Variants in SPNS3 observed in about 807,000 individuals in gnomAD.
SPNS3 encodes the protein SPNS lysolipid transporter 3, sphingosine-1-phosphate (putative).
A neutral mutation model predicts 54.4 loss-of-function variants in SPNS3; 51 were observed. The observed-to-expected ratio is 0.94, with a 90% confidence interval of 0.75 to 1.18. SPNS3 has a LOEUF of 1.18. Among genes scored for constraint, SPNS3 ranks in the 50% most tolerant of loss-of-function variants. The pLI is 0.00. For missense variants in SPNS3, 669 were observed against 677.4 expected (o/e 0.99, Z 0.14); for synonymous variants, 309 against 294.7 (o/e 1.05, Z -0.50).
At chr17:4,451,563 G>A (rs1258614363) in intron 7 of SPNS3, among the ~76,000 whole-genome samples, 3 of 152,236 alleles carry the variant, frequency 2.0e-5, no homozygotes, top group Non-Finnish European at 4.4e-5. Context: ...CTCAGAGGAC[G>A]ACAGGGAGCT....
At chr17:4,450,580 TTTTTA>T (rs918902101) in intron 7 of SPNS3, among the ~76,000 whole-genome samples, 1 of 150,692 alleles carries the variant, frequency 6.6e-6, no homozygotes, top group African/African-American at 2.5e-5. Flanking sequence ...TGCCTGGCTA[TTTTTA>T]TTTTATTTTA....
At chr17:4,451,915 G>A (rs1235966836) in intron 7 of SPNS3, among the ~76,000 whole-genome samples, 5 of 151,182 alleles carry the variant, frequency 3.3e-5, no homozygotes, top group Admixed American at 3.3e-4. Context: ...CTGACCTCAA[G>A]TGATCCACCC....
chr17:4,459,789 G>T (rs1011800882), intron 8 of SPNS3, among the ~76,000 whole-genome samples: 1 of 152,158 alleles, frequency 6.6e-6, no homozygotes. Flanking sequence ...TGTCCTGAGA[G>T]AACTTACATT....
intron 8 of SPNS3, among the ~76,000 whole-genome samples, chr17:4,464,813 G>A (rs934358509): frequency 5.3e-5 from 8 of 151,930 alleles, no homozygotes; most frequent in Admixed American, 1.3e-4. Flanking sequence ...CCTGAGTAGC[G>A]GGATTACAGG....
Position 4,445,166 on chromosome 17 carries a change from CG to C in SPNS3, c.402+1del. The C allele has an allele frequency of 6.2e-7, 1 of 1,611,986 alleles. No individual in the cohort carries two copies. Among genetic ancestry groups the C allele is most frequent in the Admixed American group, 1.7e-5 (1 of 59,846 alleles). ...CCTCTCTAGCTCCTTCATCTCCCCC[CG>C]GGTACGTGTCCATGCCCCTGTCCAG... ...AGLSSSFISP[R>X]YSWLFFLSRG... On this transcript the variant is annotated frameshift_variant and splice_region_variant, in exon 3 of 12. Coordinates refer to ENST00000355530, the MANE Select transcript of SPNS3 (RefSeq NM_182538.5). LOFTEE classifies it high-confidence loss of function.
At position 4,478,594 on chromosome 17, in the gene SPNS3, T is replaced by C; in HGVS notation, c.1136T>C (p.Leu379Pro). The C allele has an allele frequency of 6.3e-7, 1 of 1,585,444 alleles. No homozygotes were observed. The highest frequency in any genetic ancestry group is 8.6e-7 in the Non-Finnish European group (1 of 1,165,606). Residue 379 changes from leucine to proline, a missense_variant, in exon 9 of 12, where the codon CTG becomes CCG. Physicochemically the swap from Leu to Pro is moderately conservative, Grantham distance 98 (BLOSUM62 -3). Transcript: ENST00000355530. ...ASYVFLGLGE[L>P]LLSCNWAVVA... ...CAGGTGTTCCTGGGCCTTGGGGAGC[T>C]GCTTCTGTCCTGCAACTGGGCAGTG...
chr17:4,470,140 T>C (rs763253132), intron 8 of SPNS3, among the ~76,000 whole-genome samples: 5 of 152,062 alleles, frequency 3.3e-5, no homozygotes, highest in Non-Finnish European at 5.9e-5. Flanking sequence ...ATACAATTCA[T>C]GTATCAGGCC....
Position 4,465,499 on chromosome 17 carries a change from G to A in SPNS3, c.1113+12294G>A, listed in dbSNP as rs1355018101. ...TCCCAGCACTTTGGGAGGCCGAGGC[G>A]GGAGGATTACCTGAGATGAGGAGTT... On this transcript the variant is annotated intron_variant, in intron 8 of 11. Coordinates refer to ENST00000355530, the MANE Select transcript of SPNS3 (RefSeq NM_182538.5). 5.3e-5 allele frequency among the ~76,000 whole-genome samples: 8 copies of A among 152,116 alleles called. No homozygotes were observed. The South Asian group carries it at 1.2e-3, about 24-fold the overall frequency.
intron 8 of SPNS3, among the ~76,000 whole-genome samples, chr17:4,454,635 G>A (rs1252936274): frequency 5.1e-5 from 2 of 39,374 alleles, no homozygotes; most frequent in African/African-American, 1.1e-4. Context: ...TTTTTTTTTT[G>A]AGACAGAGTC....
chr17:4,448,973 C>T (rs1221613385), intron 6 of SPNS3, among the ~76,000 whole-genome samples: 4 of 151,866 alleles, frequency 2.6e-5, no homozygotes, highest in Admixed American at 2.0e-4. Context: ...GGGGGGGTCT[C>T]AGAAATGTTG....
At chr17:4,442,230 AG>A (rs1037977237) in intron 2 of SPNS3, among the ~76,000 whole-genome samples, 5 of 151,862 alleles carry the variant, frequency 3.3e-5, no homozygotes, top group African/African-American at 1.2e-4. Flanking sequence ...ACTGAGAGAG[AG>A]GGTGTTGAAG....
intron 8 of SPNS3, among the ~76,000 whole-genome samples, chr17:4,458,413 C>A (rs1971373748): frequency 8.5e-6 from 1 of 118,256 alleles, no homozygotes; most frequent in Non-Finnish European, 1.8e-5. Context: ...TTTCCATTTT[C>A]TTTTTCTTCT....
chr17:4,452,620 G>A (rs991596466), intron 7 of SPNS3, among the ~76,000 whole-genome samples: 1 of 152,038 alleles, frequency 6.6e-6, no homozygotes, highest in Non-Finnish European at 1.5e-5. Context: ...CTGGGAGCTG[G>A]AAAGAGAGAA....
chr17:4,485,869 C>G (rs558370195), intron 9 of SPNS3, among the ~76,000 whole-genome samples: 1 of 152,378 alleles, frequency 6.6e-6, no homozygotes, highest in East Asian at 1.9e-4. Context: ...TGCACCCGCT[C>G]TTCGCCCTGC....
At chr17:4,447,069 G>C in intron 5 of SPNS3, 107 bp downstream of exon 5, 1 of 1,098,292 alleles carries the variant, frequency 9.1e-7, no homozygotes, top group Admixed American at 2.4e-5. Context: ...CGCCATTAGG[G>C]GGACGGGGGG....
chr17:4,440,520 C>T (rs1970822913), intron 2 of SPNS3, among the ~76,000 whole-genome samples: 1 of 152,116 alleles, frequency 6.6e-6, no homozygotes, highest in Non-Finnish European at 1.5e-5. Flanking sequence ...TTTTGAGAGA[C>T]TGATTTATTT....
chr17:4,447,558 A>C (rs1971032296), intron 5 of SPNS3, among the ~76,000 whole-genome samples: 1 of 152,230 alleles, frequency 6.6e-6, no homozygotes, highest in African/African-American at 2.4e-5. Flanking sequence ...GAGCCAGCCC[A>C]GTGCCGGGGA....
rs1287393506 is a variant in SPNS3, at chr17:4,453,005, T to C, written c.924-11T>C. On this transcript the variant is annotated splice_polypyrimidine_tract_variant and intron_variant, in intron 7 of 11. Coordinates refer to ENST00000355530, the MANE Select transcript of SPNS3 (RefSeq NM_182538.5). Reference sequence around the variant, plus strand: ...CCAGCTGACCAACCCTTCTGTGCTCTTCCCCATCAGCCTGATTTTTGGGGC... The same window carrying C: ...CCAGCTGACCAACCCTTCTGTGCTCCTCCCCATCAGCCTGATTTTTGGGGC... 1.2e-6 allele frequency: 2 copies of C among 1,611,146 alleles called. No individual in the cohort carries two copies.
intron 2 of SPNS3, among the ~76,000 whole-genome samples, chr17:4,440,293 ACACACACCCACAGTGTGCATATC>A (rs1970816637): frequency 6.6e-6 from 1 of 152,144 alleles, no homozygotes; most frequent in South Asian, 2.1e-4. Context: ...CTGGATGGTG[ACACACACCCACAGTGTGCATATC>A]CACACACCCA....
Sources: allele counts gnomAD v4.1 joint callset (sites outside exome capture counted in the v4.1 genomes callset), GRCh38; gene constraint gnomAD v4.1.1; transcripts MANE v1.5; gene names NCBI Gene and HGNC (gene_info 2026-07-23, HGNC 2026-07-21).